Variants in CTXND1 observed in about 807,000 individuals in gnomAD.
CTXND1 encodes the protein cortexin domain containing 1.
intron 1 of CTXND1, among the ~76,000 whole-genome samples, chr15:80,228,945 T>C (rs1244686279): frequency 6.6e-6 from 1 of 151,486 alleles, no homozygotes; most frequent in Non-Finnish European, 1.5e-5. Context: ...TGAAACTTTT[T>C]TGAGTACTGA....
intron 1 of CTXND1, among the ~76,000 whole-genome samples, chr15:80,247,077 C>T (rs60949499): frequency 2.0e-5 from 3 of 152,082 alleles, no homozygotes; most frequent in South Asian, 2.1e-4. Context: ...TCAAAGCAGT[C>T]GGGTGGTGTG....
intron 1 of CTXND1, among the ~76,000 whole-genome samples, chr15:80,205,294 A>T (rs1893136691): frequency 6.6e-6 from 1 of 152,172 alleles, no homozygotes; most frequent in African/African-American, 2.4e-5. Context: ...TCATGTATTG[A>T]TGGAGTAAAT....
At chr15:80,207,291 G>GT (rs58562286) in intron 1 of CTXND1, among the ~76,000 whole-genome samples, 23,100 of 146,386 alleles carry the variant, frequency 0.16, 1,851 homozygotes, top group Middle Eastern at 0.26. Flanking sequence ...CTTTTTTCCT[G>GT]TTTTTTTTTT....
At chr15:80,221,391 G>A (rs1317442595) in intron 1 of CTXND1, among the ~76,000 whole-genome samples, 1 of 152,038 alleles carries the variant, frequency 6.6e-6, no homozygotes, top group South Asian at 2.1e-4. Context: ...GTTCTTTATT[G>A]TAAAGAAATA....
At chr15:80,251,464 T>G (rs942443867) in intron 1 of CTXND1, among the ~76,000 whole-genome samples, 3 of 152,156 alleles carry the variant, frequency 2.0e-5, no homozygotes, top group African/African-American at 4.8e-5. Context: ...CCTTCATCAG[T>G]TACATTGAGA....
intron 1 of CTXND1, among the ~76,000 whole-genome samples, chr15:80,237,336 G>GAAAAAAAAAAAAAAAAA (rs201997173): frequency 5.9e-5 from 6 of 101,550 alleles, no homozygotes; most frequent in East Asian, 2.6e-4. Flanking sequence ...CAGTGTCTCA[G>GAAAAAAAAAAAAAAAAA]AAAAAAAAAA....
At chr15:80,217,411 A>G in intron 1 of CTXND1, among the ~76,000 whole-genome samples, 1 of 152,192 alleles carries the variant, frequency 6.6e-6, no homozygotes, top group Non-Finnish European at 1.5e-5. Flanking sequence ...ACTAAGTAAA[A>G]TGGAATCTAT....
intron 1 of CTXND1, among the ~76,000 whole-genome samples, chr15:80,232,713 A>T (rs1893444921): frequency 6.6e-6 from 1 of 152,232 alleles, no homozygotes; most frequent in African/African-American, 2.4e-5. Context: ...AAGCACCAGC[A>T]GGTAGTTTCT....
chr15:80,195,856 T>C lies in CTXND1; in HGVS notation c.*5914A>G, dbSNP rs946196332. 1 of 152,172 alleles carries C rather than the reference T, an allele frequency of 6.6e-6. No homozygotes were observed. The highest frequency in any genetic ancestry group is 1.5e-5 in the Non-Finnish European group (1 of 68,024). 9.4% of individuals were successfully genotyped at this position (152,172 alleles called of 1,614,324 possible). On this transcript the variant is annotated 3_prime_UTR_variant, in exon 3 of 3. Coordinates refer to ENST00000560778, the MANE Select transcript of CTXND1 (RefSeq NM_001352888.2). Reference sequence around the variant, plus strand: ...CCAAGAAACCTTAGGTTTTGTGGGTTTGGAAATCTCTAGTGACCAAGAGGA... The same window carrying C: ...CCAAGAAACCTTAGGTTTTGTGGGTCTGGAAATCTCTAGTGACCAAGAGGA...
chr15:80,244,745 C>A (rs1158050621), intron 1 of CTXND1, among the ~76,000 whole-genome samples: 1 of 152,208 alleles, frequency 6.6e-6, no homozygotes, highest in Non-Finnish European at 1.5e-5. Flanking sequence ...GATGCTGATG[C>A]TGCTGGTCTG....
At chr15:80,227,914 C>T (rs775356151) in intron 1 of CTXND1, among the ~76,000 whole-genome samples, 9 of 152,228 alleles carry the variant, frequency 5.9e-5, no homozygotes, top group Non-Finnish European at 1.2e-4. Flanking sequence ...TTTCTTGCAG[C>T]ATGCAGTGCT....
At chr15:80,228,904 A>G (rs973663685) in intron 1 of CTXND1, among the ~76,000 whole-genome samples, 1 of 150,182 alleles carries the variant, frequency 6.7e-6, no homozygotes, top group African/African-American at 2.5e-5. Flanking sequence ...CTGGGATTAC[A>G]GGCGTGAGCC....
intron 1 of CTXND1, among the ~76,000 whole-genome samples, chr15:80,239,832 A>G (rs143930890): frequency 0.015 from 2,318 of 152,128 alleles, 20 homozygotes; most frequent in Non-Finnish European, 0.021. Context: ...TCTCCTTGTG[A>G]TGTCTATGGT....
intron 1 of CTXND1, among the ~76,000 whole-genome samples, chr15:80,204,502 C>T (rs980834399): frequency 6.6e-6 from 1 of 151,692 alleles, no homozygotes; most frequent in Non-Finnish European, 1.5e-5. Context: ...AATCTGACTG[C>T]TCTACATACT....
chr15:80,212,195 G>C (rs2142125651), intron 1 of CTXND1, among the ~76,000 whole-genome samples: 1 of 152,260 alleles, frequency 6.6e-6, no homozygotes, highest in Middle Eastern at 3.4e-3. Context: ...ACCCTTGCTG[G>C]GCTTCTTTCC....
At chr15:80,216,677 C>T (rs1468334217) in intron 1 of CTXND1, among the ~76,000 whole-genome samples, 3 of 151,962 alleles carry the variant, frequency 2.0e-5, no homozygotes, top group African/African-American at 7.3e-5. Flanking sequence ...TGCAGTGGTG[C>T]GATCTTGGCT....
At chr15:80,241,486 G>A (rs142512365) in intron 1 of CTXND1, among the ~76,000 whole-genome samples, 10 of 152,224 alleles carry the variant, frequency 6.6e-5, no homozygotes, top group African/African-American at 2.4e-4. Context: ...TCTGAACTGA[G>A]GACCCCCTTT....
At chr15:80,221,507 G>A (rs1385086695) in intron 1 of CTXND1, among the ~76,000 whole-genome samples, 4 of 152,232 alleles carry the variant, frequency 2.6e-5, no homozygotes, top group African/African-American at 9.6e-5. Context: ...CACTAGAGCC[G>A]AGGTGTTCCA....
chr15:80,234,944 G>A (rs1893476199), intron 1 of CTXND1, among the ~76,000 whole-genome samples: 2 of 152,234 alleles, frequency 1.3e-5, no homozygotes, highest in African/African-American at 4.8e-5. Context: ...AGCAGTGACA[G>A]CAAGATGCAG....
Sources: gnomAD v4.1 joint callset for allele counts (sites outside exome capture counted in the v4.1 genomes callset) on GRCh38, gnomAD v4.1.1 for gene constraint, MANE v1.5 for transcripts, NCBI Gene and HGNC (gene_info 2026-07-23, HGNC 2026-07-21) for gene names.